Variants in CCSER1 observed in about 807,000 individuals in gnomAD.
CCSER1 encodes serine-rich coiled-coil domain-containing protein 1.
CCSER1 carries 41 observed loss-of-function variants against 82.0 expected under a neutral mutation model. The ratio of observed to expected loss-of-function variants is 0.50; its 90% CI spans 0.39 to 0.65. CCSER1 has a LOEUF of 0.65. Among genes scored for constraint, CCSER1 ranks in the 30% least tolerant of loss-of-function variants. The pLI, the probability that CCSER1 is intolerant of heterozygous loss-of-function variation, is 0.00. For missense variants in CCSER1, 1,119 were observed against 1,064.2 expected (o/e 1.05, Z -0.72); for synonymous variants, 414 against 383.9 (o/e 1.08, Z -0.92).
chr4:90,600,310 A>G (rs542330251), intron 5 of CCSER1, among the ~76,000 whole-genome samples: 2 of 152,224 alleles, frequency 1.3e-5, no homozygotes, highest in South Asian at 4.1e-4. Flanking sequence ...TCACATTTCT[A>G]CCAGGAGCAT....
intron 1 of CCSER1, among the ~76,000 whole-genome samples, chr4:90,232,403 GA>G (rs1283039311): frequency 1.9e-4 from 29 of 152,244 alleles, no homozygotes; most frequent in African/African-American, 6.5e-4. Flanking sequence ...ATGGTGCTAG[GA>G]AAACTGGCTA....
In CCSER1 at chr4:90,310,855, A is replaced by G. The variant is rs190016630; in HGVS notation, c.1324+1247A>G. Among the ~76,000 whole-genome samples the G allele has an allele frequency of 2.9e-3, 448 of 152,236 alleles. 2 individuals are homozygous for G. Among genetic ancestry groups the G allele is most frequent in the African/African-American group, 0.01 (435 of 41,576 alleles). On this transcript the variant is annotated intron_variant, in intron 2 of 10. Transcript: ENST00000509176. ...CATAGAATTTCAAAGTTTTAAATGC[A>G]TGAGTTAATTTTCCAGCTGTCTTAA...
At chr4:90,139,018 T>C (rs1050261120) in intron 1 of CCSER1, among the ~76,000 whole-genome samples, 2 of 152,218 alleles carry the variant, frequency 1.3e-5, no homozygotes, top group South Asian at 4.1e-4. Context: ...TGGTCCTTGT[T>C]GAGAACAGAA....
chr4:90,663,308 A>C (rs1271664620), intron 6 of CCSER1, among the ~76,000 whole-genome samples: 1 of 152,250 alleles, frequency 6.6e-6, no homozygotes, highest in East Asian at 1.9e-4. Context: ...ACTGAGATTC[A>C]ATCAGGTTTA....
intron 5 of CCSER1, among the ~76,000 whole-genome samples, chr4:90,488,280 A>G (rs1358412340): frequency 6.6e-6 from 1 of 152,052 alleles, no homozygotes; most frequent in Non-Finnish European, 1.5e-5. Flanking sequence ...CTCGGCCTCC[A>G]TGGTTCACAC....
intron 10 of CCSER1, among the ~76,000 whole-genome samples, chr4:91,359,382 A>G (rs113325007): frequency 0.32 from 48,626 of 151,506 alleles, 8,951 homozygotes; most frequent in African/African-American, 0.44. Flanking sequence ...TCCTTAAAAC[A>G]GGTACTGAGT....
chr4:91,249,293 G>A (rs1202401035), intron 10 of CCSER1, among the ~76,000 whole-genome samples: 1 of 152,052 alleles, frequency 6.6e-6, no homozygotes, highest in Non-Finnish European at 1.5e-5. Context: ...CAAGGGGGAG[G>A]AAAAAGTCCT....
At position 90,461,943 on chromosome 4, in the gene CCSER1, T is replaced by C. The variant is rs17017039; in HGVS notation, c.1604-6291T>C. On this transcript the variant is annotated intron_variant, in intron 4 of 10. Transcript: ENST00000509176. ...CAGCACCTACTACAGTGTCTGGATA[T>C]GGAATAGTTCAATTAATGCTACTAA... Among the ~76,000 whole-genome samples, 1,351 of 152,340 alleles carry C rather than the reference T, an allele frequency of 8.9e-3. 20 individuals are homozygous for C. Among genetic ancestry groups the C allele is most frequent in the African/African-American group, 0.031 (1,286 of 41,572 alleles).
At chr4:90,594,403 G>GTA (rs1783068128) in intron 5 of CCSER1, among the ~76,000 whole-genome samples, 1 of 152,016 alleles carries the variant, frequency 6.6e-6, no homozygotes. Context: ...ATATAAATAT[G>GTA]TAGGGAAGAA....
chr4:90,973,138 A>G (rs1735276090), intron 9 of CCSER1, among the ~76,000 whole-genome samples: 1 of 151,766 alleles, frequency 6.6e-6, no homozygotes, highest in Admixed American at 6.6e-5. Context: ...AAGTACAGAC[A>G]ATAAAAACAG....
intron 4 of CCSER1, among the ~76,000 whole-genome samples, chr4:90,440,455 T>G (rs1759701952): frequency 1.3e-5 from 2 of 152,196 alleles, no homozygotes; most frequent in Admixed American, 6.5e-5. Flanking sequence ...GTGTATGTAT[T>G]CAGGGAGGTA....
chr4:90,551,706 C>CTCTCTATATATATA, intron 5 of CCSER1, among the ~76,000 whole-genome samples: 27 of 104,232 alleles, frequency 2.6e-4, no homozygotes, highest in East Asian at 1.1e-3. Context: ...CTCTCTCTCT[C>CTCTCTATATATATA]TATATATATA....
chr4:90,811,477 TGATAGA>T (rs1275583625), intron 7 of CCSER1, among the ~76,000 whole-genome samples: 4 of 151,972 alleles, frequency 2.6e-5, no homozygotes, highest in Non-Finnish European at 5.9e-5. Context: ...ATAAGGAAAG[TGATAGA>T]GATAAAGGAA....
At chr4:90,718,575 T>G (rs1313870340) in intron 6 of CCSER1, among the ~76,000 whole-genome samples, 1 of 152,144 alleles carries the variant, frequency 6.6e-6, no homozygotes, top group East Asian at 1.9e-4. Context: ...TGCAAAACAA[T>G]TTAACATCAG....
intron 10 of CCSER1, among the ~76,000 whole-genome samples, chr4:91,470,159 T>G (rs745599146): frequency 5.3e-5 from 8 of 152,194 alleles, no homozygotes; most frequent in Non-Finnish European, 1.2e-4. Context: ...TTTTGTAAAC[T>G]TGCTAAACTG....
At chr4:91,349,079 C>T (rs112629382) in intron 10 of CCSER1, among the ~76,000 whole-genome samples, 9,902 of 151,824 alleles carry the variant, frequency 0.065, 1,060 homozygotes, top group African/African-American at 0.23. Flanking sequence ...GGCTAACTTT[C>T]TGTATTTTTA....
At chr4:90,353,569 A>G (rs574700758) in intron 3 of CCSER1, among the ~76,000 whole-genome samples, 1 of 152,278 alleles carries the variant, frequency 6.6e-6, no homozygotes, top group African/African-American at 2.4e-5. Flanking sequence ...CAGAATACAA[A>G]TAAGAGCACA....
At chr4:90,212,899 TG>T (rs963893233) in intron 1 of CCSER1, among the ~76,000 whole-genome samples, 1 of 152,198 alleles carries the variant, frequency 6.6e-6, no homozygotes, top group African/African-American at 2.4e-5. Flanking sequence ...AGGAGAGGAC[TG>T]GGCCTGTTGA....
intron 5 of CCSER1, among the ~76,000 whole-genome samples, chr4:90,529,447 C>T (rs774864879): frequency 6.6e-6 from 1 of 152,124 alleles, no homozygotes; most frequent in Non-Finnish European, 1.5e-5. Context: ...CTAAGCTGGT[C>T]TTGAACTCCT....
Sources: allele counts gnomAD v4.1 joint callset (sites outside exome capture counted in the v4.1 genomes callset), GRCh38; gene constraint gnomAD v4.1.1; transcripts MANE v1.5; gene names NCBI Gene and HGNC (gene_info 2026-07-23, HGNC 2026-07-21).